The following PSEN1 variants were observed in gnomAD, a reference collection of about 807,000 sequenced individuals.
PSEN1 encodes the protein presenilin-1.
PSEN1 carries 15 observed loss-of-function variants against 53.5 expected under a neutral mutation model. That is an observed-to-expected ratio of 0.28 (90% CI 0.19 to 0.43). The LOEUF (loss-of-function observed/expected upper bound fraction) is 0.43. Among genes scored for constraint, PSEN1 ranks in the 20% least tolerant of loss-of-function variants. PSEN1 has a pLI of 1.00. For missense variants in PSEN1, 387 were observed against 571.2 expected, an observed-to-expected ratio of 0.68 and a Z score of 3.29; for synonymous variants, 208 against 209.8, an observed-to-expected ratio of 0.99 and a Z score of 0.08.
chr14:73,181,086 A>T lies in PSEN1; in HGVS notation c.481-5767A>T, dbSNP rs546160228. ...GGAAAACAATACAGATTCCATGCAT[A>T]AGGCAAAGGTTCAATTGTGGGTTTA... is the stretch of plus-strand genomic sequence containing the variant. On this transcript the variant is annotated intron_variant, in intron 5 of 11. Coordinates refer to ENST00000324501, the MANE Select transcript of PSEN1 (RefSeq NM_000021.4). Among the ~76,000 whole-genome samples the T allele has an allele frequency of 2.0e-5, 3 of 152,296 alleles. No homozygotes were observed. The East Asian group carries it at 5.8e-4, about 29-fold the overall frequency.
At chr14:73,216,560 A>G (rs1000736585) in intron 10 of PSEN1, among the ~76,000 whole-genome samples, 2 of 152,152 alleles carry the variant, frequency 1.3e-5, no homozygotes. Flanking sequence ...GGAGTTCGAG[A>G]CCAGCCTGAC....
At position 73,192,796 on chromosome 14, in the gene PSEN1, C is replaced by T; in HGVS notation, c.701C>T (p.Ala234Val). 6.2e-7 allele frequency: 1 copy of T among 1,613,932 alleles called. No individual in the cohort carries two copies. Among genetic ancestry groups the T allele is most frequent in the Non-Finnish European group, 8.5e-7 (1 of 1,179,902 alleles). Residue 234 changes from alanine (A) to valine (V), a missense_variant, in exon 7 of 12, where the codon GCC (alanine) becomes GTC (valine). Ala to Val is a moderately conservative substitution (Grantham distance 64). This residue lies in a region of PSEN1 where 169 missense variants were observed against 299.7 expected (regional missense o/e 0.56). Coordinates refer to ENST00000324501, the MANE Select transcript of PSEN1 (RefSeq NM_000021.4). The stretch of plus-strand genomic sequence containing the variant: ...CTCATTATGATTAGTGCCCTCATGG[C>T]CCTGGTGTTTATCAAGTACCTCCCT... ...AYLIMISALM[A>V]LVFIKYLPEW...
At chr14:73,205,058 G>C (rs751378088) in intron 8 of PSEN1, among the ~76,000 whole-genome samples, 1 of 152,174 alleles carries the variant, frequency 6.6e-6, no homozygotes, top group Non-Finnish European at 1.5e-5. Flanking sequence ...CAAGGTGGTC[G>C]TTCAGCTTCT....
intron 1 of PSEN1, chr14:73,137,130 TCTC>T (rs1896769805): frequency 6.6e-6 from 1 of 152,666 alleles, no homozygotes; most frequent in African/African-American, 2.4e-5. Flanking sequence ...CTCAGATTCT[TCTC>T]ACCGTTGTGG....
intron 3 of PSEN1, chr14:73,168,762 C>T: frequency 6.6e-6 from 1 of 152,440 alleles, no homozygotes; most frequent in Admixed American, 6.5e-5. Flanking sequence ...TGGAAGAGAA[C>T]CTGGGTGCCA....
At chr14:73,205,478 CAAAAAAAAA>C (rs34992040) in intron 8 of PSEN1, among the ~76,000 whole-genome samples, 2 of 64,678 alleles carry the variant, frequency 3.1e-5, no homozygotes, top group African/African-American at 5.4e-5. Flanking sequence ...GACTCTGTCT[CAAAAAAAAA>C]AAAAAAAAAA....
chr14:73,188,318 A>G (rs570787560), intron 6 of PSEN1, among the ~76,000 whole-genome samples: 127 of 152,160 alleles, frequency 8.3e-4, no homozygotes, highest in Non-Finnish European at 1.6e-3. Flanking sequence ...GTATGTGCTA[A>G]AAGGCATTTG....
chr14:73,206,428 A>G lies in PSEN1; in HGVS notation c.911A>G (p.Glu304Gly). Residue 304 changes from glutamate (E) to glycine (G), a missense_variant, in exon 9 of 12, where the codon GAA (glutamate) becomes GGA (glycine). Glu to Gly is a moderately conservative substitution (Grantham distance 98). Coordinates refer to ENST00000324501, the MANE Select transcript of PSEN1 (RefSeq NM_000021.4). ...GTGAATATGGCAGAAGGAGACCCGGAAGCTCAAAGGAGAGTATCCAAAAAT... is the reference window on the plus strand; with the variant it reads ...GTGAATATGGCAGAAGGAGACCCGGGAGCTCAAAGGAGAGTATCCAAAAAT... Reference protein sequence around the residue: ...WLVNMAEGDPEAQRRVSKNSK... With the variant: ...WLVNMAEGDPGAQRRVSKNSK... The G allele has an allele frequency of 6.2e-7, 1 of 1,614,118 alleles. No individual in the cohort carries two copies. Among genetic ancestry groups the G allele is most frequent in the Non-Finnish European group, 8.5e-7 (1 of 1,179,970 alleles).
chr14:73,156,161 C>G (rs990358778), intron 3 of PSEN1, among the ~76,000 whole-genome samples: 4 of 151,546 alleles, frequency 2.6e-5, no homozygotes, highest in Admixed American at 2.0e-4. Context: ...ATGGTGAAAC[C>G]CCATCTCTAT....
intron 8 of PSEN1, among the ~76,000 whole-genome samples, chr14:73,202,433 TATATATATATATATATA>T (rs1899236678): frequency 1.6e-4 from 2 of 12,714 alleles, no homozygotes; most frequent in Admixed American, 8.6e-4. Context: ...TATATATATA[TATATATATATATATATA>T]TATATATATA....
chr14:73,219,422 C>A lies in PSEN1; in HGVS notation c.*133C>A. 1.9e-6 allele frequency: 2 copies of A among 1,033,264 alleles called. No individual in the cohort carries two copies. Among genetic ancestry groups the A allele is most frequent in the Non-Finnish European group, 1.5e-6 (1 of 669,050 alleles). 64.0% of individuals were successfully genotyped at this position (1,033,264 alleles called of 1,614,324 possible). A position where few individuals can be genotyped will look rare whatever the true frequency, so the allele number is the denominator to read the frequency against. ...CGGCTGGACTTTTGCAGCTTCCTTC[C>A]AAGTCTTCCTGACCACCTTGCACTA... On this transcript the variant is annotated 3_prime_UTR_variant, in exon 12 of 12. Coordinates refer to ENST00000324501, the MANE Select transcript of PSEN1 (RefSeq NM_000021.4).
intron 1 of PSEN1, among the ~76,000 whole-genome samples, chr14:73,138,441 G>A (rs955575526): frequency 1.3e-5 from 2 of 150,768 alleles, no homozygotes; most frequent in African/African-American, 4.8e-5. Context: ...GTATGGTCTC[G>A]ATCTCCTGAC....
At chr14:73,215,918 T>G (rs1899895105) in intron 10 of PSEN1, among the ~76,000 whole-genome samples, 1 of 152,108 alleles carries the variant, frequency 6.6e-6, no homozygotes, top group Non-Finnish European at 1.5e-5. Context: ...AAACCTAAAC[T>G]TACATAGCCC....
rs1310873797 is a variant in PSEN1 at position 73,161,209 on chromosome 14, A to G, written c.88-9588A>G. On this transcript the variant is annotated intron_variant, in intron 3 of 11. Transcript: ENST00000324501. ...AGGCTGGCCTTGAACTCCCAGGCTC[A>G]AGCAATCCACCTGCCTTAGCCTCCC... 2.0e-5 allele frequency among the ~76,000 whole-genome samples: 3 copies of G among 152,066 alleles called. 1 individual carries two copies. The highest frequency in any genetic ancestry group is 4.4e-5 in the Non-Finnish European group (3 of 68,002).
At chr14:73,157,305 CTT>C (rs78344413) in intron 3 of PSEN1, among the ~76,000 whole-genome samples, 1 of 144,916 alleles carries the variant, frequency 6.9e-6, no homozygotes. Flanking sequence ...TTTTTGTATA[CTT>C]TTTTTTTTTT....
chr14:73,198,166 T>A (rs201992645), intron 8 of PSEN1, 37 bp downstream of exon 8: 25 of 1,244,916 alleles, frequency 2.0e-5, no homozygotes, highest in South Asian at 2.0e-4. Flanking sequence ...TAGTAATCAG[T>A]GTAGAATTTA....
At chr14:73,213,962 G>A (rs1415519597) in intron 10 of PSEN1, among the ~76,000 whole-genome samples, 3 of 152,044 alleles carry the variant, frequency 2.0e-5, no homozygotes, top group Non-Finnish European at 4.4e-5. Flanking sequence ...AATATGACCC[G>A]GTAATTCTAC....
chr14:73,169,071 C>G (rs894179015), intron 3 of PSEN1: 2 of 152,220 alleles, frequency 1.3e-5, no homozygotes, highest in Admixed American at 6.5e-5. Flanking sequence ...ATTATCCAGT[C>G]TCATCTCAAT....
intron 3 of PSEN1, chr14:73,169,498 C>CT (rs1372964184): frequency 6.6e-6 from 1 of 152,190 alleles, no homozygotes; most frequent in Non-Finnish European, 1.5e-5. Flanking sequence ...GGTTATATCT[C>CT]TAACTAAAGT....
Sources: gnomAD v4.1 joint callset for allele counts (sites outside exome capture counted in the v4.1 genomes callset) on GRCh38, gnomAD v4.1.1 for gene constraint, gnomAD v4.1.1 regional missense constraint, MANE v1.5 for transcripts, NCBI Gene and HGNC (gene_info 2026-07-23, HGNC 2026-07-21) for gene names.